Variants in MED12L observed in about 807,000 individuals in gnomAD.
The protein encoded by MED12L is mediator of RNA polymerase II transcription subunit 12-like protein.
A neutral mutation model predicts 281.3 loss-of-function variants in MED12L; 60 were observed. The observed-to-expected ratio is 0.21, with a 90% CI of 0.17 to 0.26. The LOEUF (loss-of-function observed/expected upper bound fraction) is 0.26. Among genes scored for constraint, MED12L ranks in the 10% least tolerant of loss-of-function variants. The pLI is 1.00. For synonymous variants in MED12L, 974 were observed against 987.2 expected, an observed-to-expected ratio of 0.99 and a Z score of 0.25; for missense variants, 2,146 against 2,680.9, an observed-to-expected ratio of 0.80 and a Z score of 4.41.
At chr3:151,295,289 A>C in intron 16 of MED12L, 3 of 854,058 alleles carry the variant, frequency 3.5e-6, no homozygotes, top group Non-Finnish European at 1.8e-6. Context: ...TTACAGACCC[A>C]ACTTTTTGTT....
At chr3:151,156,921 T>A (rs1375055058) in intron 6 of MED12L, among the ~76,000 whole-genome samples, 2 of 152,208 alleles carry the variant, frequency 1.3e-5, no homozygotes, top group South Asian at 2.1e-4. Flanking sequence ...TTTTAGTGCC[T>A]GTTATCTTGA....
At chr3:151,362,612 GCTC>G (rs892302904) in intron 21 of MED12L, among the ~76,000 whole-genome samples, 43 of 151,978 alleles carry the variant, frequency 2.8e-4, no homozygotes, top group African/African-American at 1.0e-3. Flanking sequence ...TTATGGCCTG[GCTC>G]CTCCTTAGAA....
chr3:151,358,759 T>C (rs6782212), intron 20 of MED12L, among the ~76,000 whole-genome samples: 111,570 of 152,082 alleles, frequency 0.73, 41,317 homozygotes, highest in South Asian at 0.86. Context: ...TTCGTACTTA[T>C]GTGAACAGTA....
chr3:151,089,088 A>T (rs1719673386), intron 2 of MED12L, among the ~76,000 whole-genome samples: 1 of 152,140 alleles, frequency 6.6e-6, no homozygotes, highest in Non-Finnish European at 1.5e-5. Context: ...TACCACCTGT[A>T]CTTTTATTCT....
At chr3:151,180,907 T>C (rs1210994745) in intron 11 of MED12L, among the ~76,000 whole-genome samples, 1 of 152,220 alleles carries the variant, frequency 6.6e-6, no homozygotes, top group Non-Finnish European at 1.5e-5. Flanking sequence ...TGTAAGCAAC[T>C]ACCCTATTCT....
At chr3:151,109,143 T>C in intron 2 of MED12L, among the ~76,000 whole-genome samples, 1 of 151,892 alleles carries the variant, frequency 6.6e-6, no homozygotes, top group Admixed American at 6.6e-5. Context: ...CTGCAACCTC[T>C]GCCTCCCGGG....
chr3:151,132,446 C>T (rs1715528253), intron 5 of MED12L, among the ~76,000 whole-genome samples: 2 of 152,040 alleles, frequency 1.3e-5, no homozygotes, highest in African/African-American at 4.8e-5. Flanking sequence ...GTAGACTGTC[C>T]ATTGATTTTT....
rs536052369 is a variant in MED12L at position 151,390,882 on chromosome 3, G to A, written c.5608+747G>A. ...TATAGCAGGGGGAAATCCATATTTT[G>A]TCCTCTAAATTAATGGTTAAAGGAA... On this transcript the variant is annotated intron_variant, in intron 38 of 44. Transcript: ENST00000687756. Among the ~76,000 whole-genome samples the A allele has an allele frequency of 3.3e-5, 5 of 152,242 alleles. No homozygotes were observed. In the South Asian group the frequency reaches 1.0e-3, roughly 32 times the overall value.
At chr3:151,213,398 A>G (rs765862509) in intron 16 of MED12L, 2 of 1,614,044 alleles carry the variant, frequency 1.2e-6, no homozygotes, top group South Asian at 1.1e-5. Context: ...AATTTCTTAC[A>G]TAAGATTTCC....
chr3:151,436,549 G>A lies in MED12L; in HGVS notation c.*3745G>A. ...CAGTTCATAATGCATTTATTTACAA[G>A]TCCTTTTATTTTGCATGTTCATTGT... On this transcript the variant is annotated 3_prime_UTR_variant, in exon 45 of 45. Coordinates refer to ENST00000687756, the MANE Select transcript of MED12L (RefSeq NM_001393769.1). The A allele has an allele frequency of 1.6e-6, 1 of 607,374 alleles. No homozygotes were observed. Among genetic ancestry groups the A allele is most frequent in the South Asian group, 2.3e-5 (1 of 42,784 alleles). 37.6% of individuals were successfully genotyped at this position (607,374 alleles called of 1,614,324 possible).
Position 151,432,887 on chromosome 3 carries a change from A to AC in MED12L, c.*83_*84insC. 9.8e-7 allele frequency: 1 copy of AC among 1,017,344 alleles called. No homozygotes were observed. The allele number at this position is 1,017,344 out of a possible 1,614,324, so 63.0% of individuals were successfully genotyped here. On this transcript the variant is annotated 3_prime_UTR_variant, in exon 45 of 45. Coordinates refer to ENST00000687756, the MANE Select transcript of MED12L (RefSeq NM_001393769.1). ...ATTTAATGCATTAGTCATCTTAAAA[A>AC]TGTCCCTTTTTTTCATTTCTTTGAC...
At position 151,391,913 on chromosome 3, in the gene MED12L, A is replaced by G. The variant is rs113638392; in HGVS notation, c.5608+1778A>G. 4.2e-3 allele frequency among the ~76,000 whole-genome samples: 642 copies of G among 152,336 alleles called. 2 individuals carry two copies. The highest frequency in any genetic ancestry group is 0.015 in the African/African-American group (618 of 41,570). ...CTACAAACTAGACTCAGAGTGAAAA[A>G]GAAGGATGCAATCATCATCCTTTTA... is the stretch of plus-strand genomic sequence containing the variant. On this transcript the variant is annotated intron_variant, in intron 38 of 44. Transcript: ENST00000687756.
intron 2 of MED12L, among the ~76,000 whole-genome samples, chr3:151,106,190 G>A (rs1207973542): frequency 1.3e-5 from 2 of 151,768 alleles, no homozygotes; most frequent in East Asian, 1.9e-4. Context: ...ATTCAAGTCG[G>A]ATAATGTCAC....
At chr3:151,099,990 A>G (rs1721197636) in intron 2 of MED12L, among the ~76,000 whole-genome samples, 1 of 152,184 alleles carries the variant, frequency 6.6e-6, no homozygotes, top group Non-Finnish European at 1.5e-5. Flanking sequence ...GGGTACAGAT[A>G]CTAAGTGACC....
chr3:151,394,941 G>A, intron 39 of MED12L, 74 bp downstream of exon 39: 1 of 1,592,034 alleles, frequency 6.3e-7, no homozygotes, highest in Non-Finnish European at 8.6e-7. Flanking sequence ...TTTGGGATAT[G>A]TAGCATATTC....
chr3:151,104,127 G>C (rs147753125), intron 2 of MED12L, among the ~76,000 whole-genome samples: 2 of 152,294 alleles, frequency 1.3e-5, no homozygotes, highest in East Asian at 3.9e-4. Flanking sequence ...TGGCCTGCAG[G>C]TGTGATTTGG....
chr3:151,351,788 G>A (rs375763192), intron 17 of MED12L, among the ~76,000 whole-genome samples: 1 of 152,120 alleles, frequency 6.6e-6, no homozygotes, highest in East Asian at 1.9e-4. Context: ...GGCTTGAGGG[G>A]TATGGGAAGG....
intron 39 of MED12L, among the ~76,000 whole-genome samples, chr3:151,407,536 T>C (rs960914918): frequency 6.6e-6 from 1 of 152,198 alleles, no homozygotes. Context: ...ATTTAATTAT[T>C]CCTTGGCATA....
intron 16 of MED12L, among the ~76,000 whole-genome samples, chr3:151,309,458 A>G (rs887568759): frequency 9.9e-5 from 15 of 152,176 alleles, no homozygotes; most frequent in Admixed American, 9.8e-4. Flanking sequence ...GCTCCTCTGC[A>G]GGTGATGAGG....
Sources: gnomAD v4.1 joint callset for allele counts (sites outside exome capture counted in the v4.1 genomes callset) on GRCh38, gnomAD v4.1.1 for gene constraint, MANE v1.5 for transcripts, NCBI Gene and HGNC (gene_info 2026-07-23, HGNC 2026-07-21) for gene names.